Variants in KCNJ15 observed in about 807,000 individuals in gnomAD.
The protein encoded by KCNJ15 is ATP-sensitive inward rectifier potassium channel 15.
In KCNJ15, 14 loss-of-function variants were observed where a neutral mutation model predicts 23.0. The observed-to-expected ratio is 0.61, with a 90% CI of 0.40 to 0.95. The LOEUF (loss-of-function observed/expected upper bound fraction) is 0.95. Ranked by LOEUF, KCNJ15 falls within the 40% of genes least tolerant of loss-of-function variation. KCNJ15 has a pLI of 0.00. For missense variants in KCNJ15, 388 were observed against 461.8 expected (o/e 0.84, Z 1.46); for synonymous variants, 185 against 183.2 (o/e 1.01, Z -0.08).
chr21:38,236,093 T>A (rs925737694), intron 1 of KCNJ15, among the ~76,000 whole-genome samples: 6 of 152,344 alleles, frequency 3.9e-5, no homozygotes, highest in Admixed American at 2.6e-4. Context: ...TTCATCCCAA[T>A]GCTTATATGG....
intron 1 of KCNJ15, among the ~76,000 whole-genome samples, chr21:38,277,025 A>C (rs1257976831): frequency 3.2e-5 from 3 of 93,828 alleles, no homozygotes; most frequent in Admixed American, 3.2e-4. Context: ...TAGATTAAAA[A>C]ATTGTGTGTG....
chr21:38,286,820 A>G (rs915080011), intron 1 of KCNJ15, among the ~76,000 whole-genome samples: 1 of 152,228 alleles, frequency 6.6e-6, no homozygotes, highest in African/African-American at 2.4e-5. Context: ...TTTATTTTAG[A>G]TGGCCTCTAA....
chr21:38,288,030 G>GTTTTTTTTTTTTTTTTT lies in KCNJ15; in HGVS notation c.-116-8884_-116-8868dup, dbSNP rs71184612. 9.8e-4 allele frequency among the ~76,000 whole-genome samples: 80 copies of GTTTTTTTTTTTTTTTTT among 81,450 alleles called. 3 individuals carry two copies. The highest frequency in any genetic ancestry group is 3.4e-3 in the East Asian group (9 of 2,638). 53.4% of individuals were successfully genotyped at this position (81,450 alleles called of 152,430 possible). On this transcript the variant is annotated intron_variant, in intron 1 of 2. Transcript: ENST00000398938. The stretch of plus-strand genomic sequence containing the variant: ...TGTTAAATAACTTGTTTTTTTCTTT[G>GTTTTTTTTTTTTTTTTT]TTTTTTTTTTTTTTTTTTTTTTTTT...
intron 1 of KCNJ15, chr21:38,237,182 G>A (rs1431649836): frequency 1.3e-5 from 2 of 152,236 alleles, no homozygotes; most frequent in Non-Finnish European, 2.9e-5. Flanking sequence ...TGGTTCAGAT[G>A]TTGAGACTGA....
At chr21:38,284,065 T>C (rs1282589213) in intron 1 of KCNJ15, among the ~76,000 whole-genome samples, 3 of 152,186 alleles carry the variant, frequency 2.0e-5, no homozygotes, top group African/African-American at 7.2e-5. Flanking sequence ...CAGGTGTCTC[T>C]GTTGAAGGCC....
chr21:38,298,573 CTTAA>C (rs1985411115), intron 2 of KCNJ15, among the ~76,000 whole-genome samples: 1 of 152,094 alleles, frequency 6.6e-6, no homozygotes, highest in Non-Finnish European at 1.5e-5. Context: ...GCTGTAGATT[CTTAA>C]TTATTCATTA....
chr21:38,252,250 A>T (rs1052301091), upstream of KCNJ15, among the ~76,000 whole-genome samples: 1 of 152,166 alleles, frequency 6.6e-6, no homozygotes, highest in African/African-American at 2.4e-5. Context: ...CAACAACCCT[A>T]CTTTGTCTCC....
chr21:38,288,030 G>GTTTTT lies in KCNJ15; in HGVS notation c.-116-8872_-116-8868dup, dbSNP rs71184612. ...TGTTAAATAACTTGTTTTTTTCTTT[G>GTTTTT]TTTTTTTTTTTTTTTTTTTTTTTTT... is the stretch of plus-strand genomic sequence containing the variant. On this transcript the variant is annotated intron_variant, in intron 1 of 2. Transcript: ENST00000398938. 2.9e-4 allele frequency among the ~76,000 whole-genome samples: 24 copies of GTTTTT among 81,424 alleles called. 1 individual carries two copies. The highest frequency in any genetic ancestry group is 5.0e-4 in the South Asian group (1 of 1,996). The allele number at this position is 81,424 out of a possible 152,430, so 53.4% of individuals were successfully genotyped here. A position where few individuals can be genotyped will look rare whatever the true frequency, so the allele number is the denominator to read the frequency against.
chr21:38,279,863 C>T (rs1370604903), intron 1 of KCNJ15, among the ~76,000 whole-genome samples: 1 of 152,194 alleles, frequency 6.6e-6, no homozygotes, highest in East Asian at 1.9e-4. Flanking sequence ...GGACATGGCA[C>T]ACAGAGCAGA....
chr21:38,269,939 C>G (rs1981902719), intron 1 of KCNJ15, among the ~76,000 whole-genome samples: 2 of 152,148 alleles, frequency 1.3e-5, no homozygotes. Context: ...TATGGCCTGA[C>G]TCTGCTTCAC....
intron 1 of KCNJ15, among the ~76,000 whole-genome samples, chr21:38,249,734 G>A (rs1490527392): frequency 6.6e-6 from 1 of 152,174 alleles, no homozygotes. Flanking sequence ...GACAGTCAAG[G>A]AGAAGAAAAA....
intron 1 of KCNJ15, among the ~76,000 whole-genome samples, chr21:38,286,248 A>AAAAAAC (rs1309713251): frequency 6.6e-6 from 1 of 152,190 alleles, no homozygotes; most frequent in Non-Finnish European, 1.5e-5. Context: ...GTCTCAAACA[A>AAAAAAC]AAAAACAAAA....
rs983034126 is a variant in KCNJ15 at position 38,244,423 on chromosome 21, C to T, written c.-398-12623C>T. On this transcript the variant is annotated intron_variant, in intron 1 of 4. Transcript: ENST00000547341. ...TCCCAGGCTTGGTGCAGAAACCTGA[C>T]CTGAATTGGACCTTAAGATCAGAAT... is the stretch of plus-strand genomic sequence containing the variant. Among the ~76,000 whole-genome samples the T allele has an allele frequency of 3.9e-5, 6 of 152,158 alleles. No individual in the cohort carries two copies. The South Asian group carries it at 6.2e-4, about 16-fold the overall frequency.
intron 1 of KCNJ15, among the ~76,000 whole-genome samples, chr21:38,290,975 C>T (rs957819675): frequency 2.6e-4 from 17 of 65,602 alleles, no homozygotes; most frequent in Non-Finnish European, 4.6e-4. Context: ...TCAGTGTTCT[C>T]AAATGTCATA....
At chr21:38,280,258 TG>T (rs1347915215) in intron 1 of KCNJ15, among the ~76,000 whole-genome samples, 4 of 152,202 alleles carry the variant, frequency 2.6e-5, no homozygotes, top group Non-Finnish European at 5.9e-5. Context: ...CAGCCACTGT[TG>T]CACAGTGCAA....
chr21:38,254,335 C>A (rs977106362), upstream of KCNJ15, among the ~76,000 whole-genome samples: 3 of 152,188 alleles, frequency 2.0e-5, no homozygotes, highest in African/African-American at 7.2e-5. Context: ...GCCTCAAAAT[C>A]TAATTGTTGA....
intron 2 of KCNJ15, among the ~76,000 whole-genome samples, chr21:38,297,560 A>G (rs1985288120): frequency 6.6e-6 from 1 of 151,636 alleles, no homozygotes; most frequent in Non-Finnish European, 1.5e-5. Context: ...TGCTCATGTT[A>G]CAAGTTTGTC....
chr21:38,257,755 A>G (rs1428734978), intron 1 of KCNJ15, among the ~76,000 whole-genome samples: 2 of 152,202 alleles, frequency 1.3e-5, no homozygotes, highest in African/African-American at 4.8e-5. Flanking sequence ...CCCATGATTA[A>G]TATGTTTTTT....
intron 1 of KCNJ15, among the ~76,000 whole-genome samples, chr21:38,236,493 G>A (rs538107705): frequency 1.1e-4 from 17 of 152,214 alleles, no homozygotes; most frequent in Middle Eastern, 3.4e-3. Context: ...TAAACATGCC[G>A]TTTCTTCCTG....
Sources: gnomAD v4.1 joint callset for allele counts (sites outside exome capture counted in the v4.1 genomes callset) on GRCh38, gnomAD v4.1.1 for gene constraint, MANE v1.5 for transcripts, NCBI Gene and HGNC (gene_info 2026-07-23, HGNC 2026-07-21) for gene names.